Variants in QPCT observed in about 807,000 individuals in gnomAD.
QPCT encodes the protein EC.
A neutral mutation model predicts 43.4 loss-of-function variants in QPCT; 44 were observed. The observed-to-expected ratio is 1.01, with a 90% confidence interval of 0.80 to 1.30. The LOEUF (loss-of-function observed/expected upper bound fraction) is 1.30, where lower values mean the gene tolerates loss of function less well. Among genes scored for constraint, QPCT ranks in the 50% most tolerant of loss-of-function variants. The pLI is 0.00. For synonymous variants in QPCT, 168 were observed against 168.4 expected, an observed-to-expected ratio of 1.00 and a Z score of 0.02; for missense variants, 526 against 436.5, an observed-to-expected ratio of 1.21 and a Z score of -1.83.
At chr2:37,349,700 A>G (rs1366802046) in intron 1 of QPCT, among the ~76,000 whole-genome samples, 1 of 152,182 alleles carries the variant, frequency 6.6e-6, no homozygotes, top group African/African-American at 2.4e-5. Flanking sequence ...CGAATGTCAG[A>G]AATTCAAAAA....
At chr2:37,371,792 A>G (rs1673079281) in intron 5 of QPCT, among the ~76,000 whole-genome samples, 1 of 152,176 alleles carries the variant, frequency 6.6e-6, no homozygotes, top group Non-Finnish European at 1.5e-5. Flanking sequence ...TGTAAGTCTG[A>G]GATGGGACCA....
chr2:37,352,753 A>C, intron 1 of QPCT, 36 bp from the exon 2 acceptor site: 1 of 1,605,212 alleles, frequency 6.2e-7, no homozygotes, highest in Non-Finnish European at 8.5e-7. Flanking sequence ...ATGTTATGAA[A>C]GGATAGCTAG....
chr2:37,347,204 TAAC>T (rs1404654957), intron 1 of QPCT, among the ~76,000 whole-genome samples: 4 of 45,448 alleles, frequency 8.8e-5, no homozygotes, highest in Non-Finnish European at 1.6e-4. Context: ...CATATATATA[TAAC>T]ATATATATAA....
At chr2:37,352,639 C>T in intron 1 of QPCT, 150 bp from the exon 2 acceptor site, 2 of 998,342 alleles carry the variant, frequency 2.0e-6, no homozygotes, top group Non-Finnish European at 2.9e-6. Flanking sequence ...GCCCTAACAG[C>T]CCAATTTTAA....
At chr2:37,348,365 G>A (rs4670693) in intron 1 of QPCT, among the ~76,000 whole-genome samples, 1 of 152,184 alleles carries the variant, frequency 6.6e-6, no homozygotes, top group Non-Finnish European at 1.5e-5. Flanking sequence ...TTGCATTTTA[G>A]AAAAGACAGA....
intron 3 of QPCT, among the ~76,000 whole-genome samples, chr2:37,364,900 G>C (rs1466929152): frequency 1.3e-5 from 2 of 150,980 alleles, no homozygotes; most frequent in Non-Finnish European, 2.9e-5. Context: ...GTGTTGTGTT[G>C]TGTGTGTGTA....
At chr2:37,357,924 C>A (rs1017035022) in intron 2 of QPCT, among the ~76,000 whole-genome samples, 5 of 151,932 alleles carry the variant, frequency 3.3e-5, no homozygotes, top group African/African-American at 1.2e-4. Context: ...TCCAGTTATT[C>A]ATTTTTCATT....
chr2:37,347,144 T>TTTTATATATATATATATATATATA, intron 1 of QPCT, among the ~76,000 whole-genome samples: 1 of 55,342 alleles, frequency 1.8e-5, no homozygotes, highest in South Asian at 5.9e-4. Flanking sequence ...ATGGGGTGTT[T>TTTTATATATATATATATATATATA]TATATATATA....
At chr2:37,355,909 G>A (rs947488678) in intron 2 of QPCT, among the ~76,000 whole-genome samples, 3 of 152,074 alleles carry the variant, frequency 2.0e-5, no homozygotes, top group Non-Finnish European at 4.4e-5. Flanking sequence ...AATGTCATCA[G>A]GTACATAGAT....
In QPCT at chr2:37,373,035, C is replaced by A; in HGVS notation, c.*208C>A. 2.4e-6 allele frequency: 1 copy of A among 410,120 alleles called. No homozygotes were observed. Among genetic ancestry groups the A allele is most frequent in the Non-Finnish European group, 4.2e-6 (1 of 237,512 alleles). The allele number at this position is 410,120 out of a possible 1,614,324, so 25.4% of individuals were successfully genotyped here. Reference sequence around the variant, plus strand: ...TAAATTGCTCATTAATTTTTATTTACAGATTGAAAAAGAGGGACCGTGTAA... The same window carrying A: ...TAAATTGCTCATTAATTTTTATTTAAAGATTGAAAAAGAGGGACCGTGTAA... On this transcript the variant is annotated 3_prime_UTR_variant, in exon 7 of 7. Coordinates refer to ENST00000338415, the MANE Select transcript of QPCT (RefSeq NM_012413.4).
rs1240153460 is a variant in QPCT, at chr2:37,367,157, C to T, written c.547-75C>T. On this transcript the variant is annotated intron_variant, in intron 3 of 6. Coordinates refer to ENST00000338415, the MANE Select transcript of QPCT (RefSeq NM_012413.4). Reference sequence around the variant, plus strand: ...TTTATGGCACATCTATCTTTTTGCCCAATTAATAGAAAATCATGCTATTTT... The same window carrying T: ...TTTATGGCACATCTATCTTTTTGCCTAATTAATAGAAAATCATGCTATTTT... 3.4e-6 allele frequency: 5 copies of T among 1,453,248 alleles called. No homozygotes were observed. The African/African-American group carries it at 5.7e-5, about 17-fold the overall frequency. The allele number at this position is 1,453,248 out of a possible 1,614,324, so 90.0% of individuals were successfully genotyped here. A position where few individuals can be genotyped will look rare whatever the true frequency, so the allele number is the denominator to read the frequency against.
At chr2:37,344,949 GGC>G (rs1415695707) in intron 1 of QPCT, 98 bp downstream of exon 1, 13 of 1,438,436 alleles carry the variant, frequency 9.0e-6, no homozygotes, top group African/African-American at 3.0e-5. Flanking sequence ...CGGGAGGCGG[GGC>G]AGGGCCACGG....
At chr2:37,372,269 G>T (rs1367537450) in intron 5 of QPCT, 87 bp from the exon 6 acceptor site, 3 of 972,464 alleles carry the variant, frequency 3.1e-6, no homozygotes, top group Non-Finnish European at 5.0e-6. Flanking sequence ...CATGTGCTAA[G>T]ATTTCAAACT....
chr2:37,357,801 C>G (rs983671112), intron 2 of QPCT, among the ~76,000 whole-genome samples: 6 of 152,072 alleles, frequency 3.9e-5, no homozygotes, highest in Non-Finnish European at 8.8e-5. Context: ...TTTTGAGTCT[C>G]TTGCCTACGT....
intron 1 of QPCT, among the ~76,000 whole-genome samples, chr2:37,352,162 C>G (rs564535534): frequency 6.6e-6 from 1 of 151,980 alleles, no homozygotes; most frequent in East Asian, 1.9e-4. Flanking sequence ...CAAAAAATTA[C>G]CATTTCAACA....
At chr2:37,358,321 C>G (rs925917142) in intron 2 of QPCT, among the ~76,000 whole-genome samples, 1 of 152,092 alleles carries the variant, frequency 6.6e-6, no homozygotes, top group Non-Finnish European at 1.5e-5. Flanking sequence ...TCTGTTATTC[C>G]AGCTACTCAG....
chr2:37,369,886 T>A, intron 5 of QPCT, 102 bp downstream of exon 5: 2 of 1,072,508 alleles, frequency 1.9e-6, no homozygotes, highest in Non-Finnish European at 2.8e-6. Flanking sequence ...GCGCAGTGGC[T>A]CACACCTGTA....
intron 4 of QPCT, chr2:37,368,768 A>T: frequency 2.2e-6 from 1 of 459,442 alleles, no homozygotes; most frequent in South Asian, 1.6e-5. Flanking sequence ...TTATTTATTT[A>T]TCAGTCCAAA....
chr2:37,368,545 A>G, intron 4 of QPCT: 3 of 470,434 alleles, frequency 6.4e-6, no homozygotes, highest in South Asian at 4.7e-5. Flanking sequence ...CCTTCGCCCT[A>G]TAAAAGTACA....
Sources: gnomAD v4.1 joint callset for allele counts (sites outside exome capture counted in the v4.1 genomes callset) on GRCh38, gnomAD v4.1.1 for gene constraint, MANE v1.5 for transcripts, NCBI Gene and HGNC (gene_info 2026-07-23, HGNC 2026-07-21) for gene names.